The following HS3ST5 variants were observed in gnomAD, a reference collection of about 807,000 sequenced individuals.
HS3ST5 encodes heparan sulfate glucosamine 3-O-sulfotransferase 5.
A neutral mutation model predicts 25.4 loss-of-function variants in HS3ST5; 10 were observed. The ratio of observed to expected loss-of-function variants is 0.39; its 90% CI spans 0.24 to 0.67. The LOEUF is 0.67. HS3ST5 is among the 30% of genes least tolerant of loss of function. HS3ST5 has a pLI of 0.44. For synonymous variants in HS3ST5, 170 were observed against 162.4 expected, an observed-to-expected ratio of 1.05 and a Z score of -0.36; for missense variants, 324 against 420.7, an observed-to-expected ratio of 0.77 and a Z score of 2.01.
At chr6:114,292,985 G>A (rs1033149469) in intron 1 of HS3ST5, among the ~76,000 whole-genome samples, 2 of 151,840 alleles carry the variant, frequency 1.3e-5, no homozygotes, top group Admixed American at 1.3e-4. Context: ...TGAATCCACG[G>A]ATGTGGAATC....
At chr6:114,316,582 A>G (rs1207989495) in intron 1 of HS3ST5, among the ~76,000 whole-genome samples, 2 of 152,232 alleles carry the variant, frequency 1.3e-5, no homozygotes, top group African/African-American at 2.4e-5. Context: ...AAGTGACAAC[A>G]TGATCCAAAA....
At chr6:114,222,150 T>C (rs1477992374) in intron 2 of HS3ST5, among the ~76,000 whole-genome samples, 1 of 151,940 alleles carries the variant, frequency 6.6e-6, no homozygotes, top group Non-Finnish European at 1.5e-5. Flanking sequence ...AAGTATAGGA[T>C]CCGATCTCAC....
At chr6:114,235,686 G>A (rs1771824622) in intron 1 of HS3ST5, 2 of 152,218 alleles carry the variant, frequency 1.3e-5, no homozygotes, top group Admixed American at 1.3e-4. Flanking sequence ...TTTGGAACGT[G>A]GTTTGAACAC....
intron 2 of HS3ST5, among the ~76,000 whole-genome samples, chr6:114,200,784 G>GA: frequency 6.6e-6 from 1 of 152,182 alleles, no homozygotes; most frequent in African/African-American, 2.4e-5. Flanking sequence ...AAATTTGACT[G>GA]AAAAAGAGAC....
intron 3 of HS3ST5, among the ~76,000 whole-genome samples, chr6:114,110,688 A>C (rs942323187): frequency 4.6e-5 from 7 of 152,160 alleles, no homozygotes; most frequent in African/African-American, 1.7e-4. Context: ...GGGTTTGGGG[A>C]GAGTGGATAT....
intron 3 of HS3ST5, among the ~76,000 whole-genome samples, chr6:114,120,776 G>A (rs142121758): frequency 4.6e-4 from 70 of 152,228 alleles, no homozygotes; most frequent in African/African-American, 1.5e-3. Flanking sequence ...TACAAGCAGC[G>A]ATCAAATTGG....
chr6:114,143,663 G>A (rs1418856984), intron 3 of HS3ST5: 1 of 152,112 alleles, frequency 6.6e-6, no homozygotes, highest in Admixed American at 6.5e-5. Flanking sequence ...TATTACATGG[G>A]TCACACAAGG....
At chr6:114,184,658 C>T (rs1444088551) in intron 2 of HS3ST5, among the ~76,000 whole-genome samples, 1 of 152,178 alleles carries the variant, frequency 6.6e-6, no homozygotes, top group Non-Finnish European at 1.5e-5. Flanking sequence ...GGGGCCATTG[C>T]CTTGTTTTCA....
At position 114,195,868 on chromosome 6, in the gene HS3ST5, G is replaced by T. The variant is rs949886590; in HGVS notation, c.-144-27406C>A. The stretch of plus-strand genomic sequence containing the variant: ...TAAGGGAACTTGTACAGAAGGCCTT[G>T]TCTAAGACATGCCCTCAATGGAAAA... On this transcript the variant is annotated intron_variant, in intron 2 of 4. Coordinates refer to ENST00000312719, the MANE Select transcript of HS3ST5 (RefSeq NM_153612.4). 5.9e-5 allele frequency among the ~76,000 whole-genome samples: 9 copies of T among 152,104 alleles called. 1 individual carries two copies. Among genetic ancestry groups the T allele is most frequent in the Admixed American group, 5.9e-4 (9 of 15,258 alleles).
intron 3 of HS3ST5, among the ~76,000 whole-genome samples, chr6:114,137,240 A>C (rs935962603): frequency 1.3e-5 from 2 of 152,126 alleles, no homozygotes; most frequent in African/African-American, 4.8e-5. Flanking sequence ...CGCAAACCAT[A>C]TCCCATTTAT....
chr6:114,062,732 C>T lies in HS3ST5; in HGVS notation c.107+7G>A, dbSNP rs575542250. 3.1e-5 allele frequency: 49 copies of T among 1,584,374 alleles called. No individual in the cohort carries two copies. The highest frequency in any genetic ancestry group is 2.0e-4 in the South Asian group (18 of 90,490). On this transcript the variant is annotated splice_region_variant and intron_variant, in intron 4 of 4. Coordinates refer to ENST00000312719, the MANE Select transcript of HS3ST5 (RefSeq NM_153612.4). ...CAGGGGTATAAGCATGTGTTTTAAGCACCCACCTATCCAAGCTCCCAACTC... is the reference window on the plus strand; with the variant it reads ...CAGGGGTATAAGCATGTGTTTTAAGTACCCACCTATCCAAGCTCCCAACTC...
At chr6:114,279,193 G>T (rs1239743529) in intron 1 of HS3ST5, among the ~76,000 whole-genome samples, 1 of 151,982 alleles carries the variant, frequency 6.6e-6, no homozygotes, top group Non-Finnish European at 1.5e-5. Flanking sequence ...GTGTGTGCTT[G>T]TGTGTTTATC....
At chr6:114,112,841 T>C (rs1227803833) in intron 3 of HS3ST5, among the ~76,000 whole-genome samples, 1 of 152,162 alleles carries the variant, frequency 6.6e-6, no homozygotes, top group Non-Finnish European at 1.5e-5. Flanking sequence ...AATTGGAAAA[T>C]ACCACATGTT....
intron 3 of HS3ST5, among the ~76,000 whole-genome samples, chr6:114,117,966 A>G (rs530977705): frequency 1.5e-4 from 23 of 152,290 alleles, no homozygotes; most frequent in Middle Eastern, 3.4e-3. Context: ...TCTATATATT[A>G]TGCTTCACAA....
chr6:114,198,891 C>T (rs1780884513), intron 2 of HS3ST5, among the ~76,000 whole-genome samples: 1 of 152,020 alleles, frequency 6.6e-6, no homozygotes, highest in Non-Finnish European at 1.5e-5. Context: ...CACACACACA[C>T]CTCTATTCCC....
chr6:114,092,559 G>A (rs1420886627), intron 3 of HS3ST5, among the ~76,000 whole-genome samples: 1 of 151,940 alleles, frequency 6.6e-6, no homozygotes, highest in African/African-American at 2.4e-5. Flanking sequence ...CTACAAGTTG[G>A]CAGCCATTTT....
chr6:114,275,403 C>T (rs2114715253), intron 1 of HS3ST5, among the ~76,000 whole-genome samples: 1 of 152,160 alleles, frequency 6.6e-6, no homozygotes, highest in East Asian at 1.9e-4. Context: ...CTAAACTTTA[C>T]ATTAACACCT....
intron 2 of HS3ST5, among the ~76,000 whole-genome samples, chr6:114,169,367 C>A (rs73767059): frequency 7.3e-4 from 111 of 152,198 alleles, no homozygotes; most frequent in African/African-American, 2.6e-3. Flanking sequence ...TGGCTAATAG[C>A]CAGCTACTGA....
intron 1 of HS3ST5, among the ~76,000 whole-genome samples, chr6:114,267,081 G>C (rs1373728491): frequency 6.6e-6 from 1 of 152,184 alleles, no homozygotes; most frequent in East Asian, 1.9e-4. Context: ...GGGAATCTCA[G>C]AAATGGCAAT....
Sources: gnomAD v4.1 joint callset for allele counts (sites outside exome capture counted in the v4.1 genomes callset) on GRCh38, gnomAD v4.1.1 for gene constraint, MANE v1.5 for transcripts, NCBI Gene and HGNC (gene_info 2026-07-23, HGNC 2026-07-21) for gene names.